The following GADD45G variants were observed in gnomAD, a reference collection of about 807,000 sequenced individuals.
GADD45G encodes growth arrest and DNA damage inducible gamma.
In GADD45G, 7 loss-of-function variants were observed where a neutral mutation model predicts 17.3. The observed-to-expected ratio is 0.41, with a 90% CI of 0.23 to 0.76. The LOEUF (loss-of-function observed/expected upper bound fraction) is 0.76. Among genes scored for constraint, GADD45G ranks in the 30% least tolerant of loss-of-function variants. The pLI, the probability that GADD45G is intolerant of heterozygous loss-of-function variation, is 0.34. For missense variants in GADD45G, 149 were observed against 219.2 expected (o/e 0.68, Z 2.02); for synonymous variants, 93 against 94.9 (o/e 0.98, Z 0.12).
rs1473294864 is a variant in GADD45G at position 89,605,836 on chromosome 9, G to A, written c.325G>A (p.Glu109Lys). ...QRLAAIVGAG[E>K]EAGAPGDLHC... ...GCTGGCGGCTATCGTGGGCGCCGGC[G>A]AGGAGGCGGGTGCGCCGGGCGACCT... Residue 109 changes from glutamate (E) to lysine (K), a missense_variant, in exon 3 of 4, where the codon GAG (glutamate) becomes AAG (lysine). By Grantham distance (56) the Glu-to-Lys change is moderately conservative. Transcript: ENST00000252506. 2 of 1,613,070 alleles carry A rather than the reference G, an allele frequency of 1.2e-6. No homozygotes were observed. Among genetic ancestry groups the A allele is most frequent in the Non-Finnish European group, 1.7e-6 (2 of 1,179,684 alleles).
At chr9:89,605,390 C>T in intron 1 of GADD45G, 42 bp from the exon 2 acceptor site, 4 of 1,436,852 alleles carry the variant, frequency 2.8e-6, no homozygotes, top group Non-Finnish European at 3.8e-6. Flanking sequence ...CTCCGCCGCG[C>T]CCTCCGGCCG....
Position 89,605,127 on chromosome 9 carries a change from T to C in GADD45G, c.6T>C (p.Thr2=), listed in dbSNP as rs1425009912. 2 of 1,613,792 alleles carry C rather than the reference T, an allele frequency of 1.2e-6. No individual in the cohort carries two copies. The highest frequency in any genetic ancestry group is 3.3e-5 in the Admixed American group (2 of 60,026). Reference sequence around the variant, plus strand: ...AGCTGCTGGTTGATCGCACTATGACTCTGGAAGAAGTCCGCGGCCAGGACA... The same window carrying C: ...AGCTGCTGGTTGATCGCACTATGACCCTGGAAGAAGTCCGCGGCCAGGACA... M[T]LEEVRGQDTV... The change falls in exon 1 of 4, where the codon ACT becomes ACC. Residue 2 remains threonine, a synonymous_variant. Coordinates refer to ENST00000252506, the MANE Select transcript of GADD45G (RefSeq NM_006705.4).
intron 2 of GADD45G, 60 bp from the exon 3 acceptor site, chr9:89,605,607 G>T (rs928108418): frequency 1.0e-5 from 16 of 1,560,884 alleles, no homozygotes; most frequent in Non-Finnish European, 1.4e-5. Flanking sequence ...GATGGGAGGG[G>T]TGGCGGCGGG....
Position 89,605,477 on chromosome 9 carries a change from G to A in GADD45G, c.99G>A (p.Ala33=). 3 of 1,561,908 alleles carry A rather than the reference G, an allele frequency of 1.9e-6. No individual in the cohort carries two copies. Among genetic ancestry groups the A allele is most frequent in the Non-Finnish European group, 1.7e-6 (2 of 1,152,670 alleles). The change falls in exon 2 of 4, where the codon GCG becomes GCA. Residue 33 remains alanine (A), a synonymous_variant. Coordinates refer to ENST00000252506, the MANE Select transcript of GADD45G (RefSeq NM_006705.4). ...CGCTGCATGAGTTGCTGCTGTCGGCGCAGCGTCAGGGCTGCCTCACTGCCG... is the reference window on the plus strand; with the variant it reads ...CGCTGCATGAGTTGCTGCTGTCGGCACAGCGTCAGGGCTGCCTCACTGCCG... ...GKALHELLLS[A]QRQGCLTAGV... is the part of the protein sequence containing the mutation.
In GADD45G at chr9:89,605,816, C is replaced by A. The variant is rs745673173; in HGVS notation, c.305C>A (p.Ala102Glu). The change falls in exon 3 of 4, where the codon GCG becomes GAG. Residue 102 changes from alanine (A) to glutamate (E), a missense_variant. Physicochemically the swap from Ala to Glu is moderately radical, Grantham distance 107 (BLOSUM62 -1). Transcript: ENST00000252506. Reference sequence around the variant, plus strand: ...CGCGTGGGCGATGTGCAGCGGCTGGCGGCTATCGTGGGCGCCGGCGAGGAG... The same window carrying A: ...CGCGTGGGCGATGTGCAGCGGCTGGAGGCTATCGTGGGCGCCGGCGAGGAG... ...IVRVGDVQRL[A>E]AIVGAGEEAG... 1 of 1,613,336 alleles carries A rather than the reference C, an allele frequency of 6.2e-7. No individual in the cohort carries two copies. Among genetic ancestry groups the A allele is most frequent in the South Asian group, 1.1e-5 (1 of 91,086 alleles).
In GADD45G at chr9:89,605,840, A is replaced by G; in HGVS notation, c.329A>G (p.Glu110Gly). The change falls in exon 3 of 4, where the codon GAG becomes GGG. Residue 110 changes from glutamate to glycine, a missense_variant. Transcript: ENST00000252506. Reference sequence around the variant, plus strand: ...GCGGCTATCGTGGGCGCCGGCGAGGAGGCGGGTGCGCCGGGCGACCTGCAC... The same window carrying G: ...GCGGCTATCGTGGGCGCCGGCGAGGGGGCGGGTGCGCCGGGCGACCTGCAC... ...RLAAIVGAGE[E>G]AGAPGDLHCI... 2 of 1,612,904 alleles carry G rather than the reference A, an allele frequency of 1.2e-6. No individual in the cohort carries two copies. Among genetic ancestry groups the G allele is most frequent in the Non-Finnish European group, 1.7e-6 (2 of 1,179,608 alleles).
At position 89,605,892 on chromosome 9, in the gene GADD45G, C is replaced by T. The variant is rs1827516502; in HGVS notation, c.369+12C>T. The T allele has an allele frequency of 1.3e-6, 2 of 1,596,036 alleles. No individual in the cohort carries two copies. Among genetic ancestry groups the T allele is most frequent in the Non-Finnish European group, 8.5e-7 (1 of 1,169,816 alleles). On this transcript the variant is annotated intron_variant, in intron 3 of 3. Transcript: ENST00000252506. ...GCATCCTCATTTCGGTGAGTACAGT[C>T]CCGTCCTGTCCCCGCCCCAGTGTCG...
Position 89,606,056 on chromosome 9 carries a change from C to T in GADD45G, c.457C>T (p.Pro153Ser). 6.2e-7 allele frequency: 1 copy of T among 1,611,140 alleles called. No individual in the cohort carries two copies. Residue 153 changes from proline (P) to serine (S), a missense_variant, in exon 4 of 4, where the codon CCC becomes TCC. Around this residue, in one of 3 missense-constraint regions of GADD45G, gnomAD observed 73 missense variants for 84.3 expected, o/e 0.87. Coordinates refer to ENST00000252506, the MANE Select transcript of GADD45G (RefSeq NM_006705.4). ...EESRSVNDWV[P>S]SITLPE ...GAGCCGCAGCGTTAACGACTGGGTG[C>T]CCAGCATCACCCTCCCCGAGTGACA...
At chr9:89,605,592 T>G (rs1827510529) in intron 2 of GADD45G, 59 bp downstream of exon 2, 1 of 1,558,260 alleles carries the variant, frequency 6.4e-7, no homozygotes, top group African/African-American at 1.4e-5. Context: ...GCGAGGAGAC[T>G]GGCGGATGGG....
At position 89,605,885 on chromosome 9, in the gene GADD45G, G is replaced by A. The variant is rs1250201680; in HGVS notation, c.369+5G>A. On this transcript the variant is annotated splice_donor_5th_base_variant and intron_variant, in intron 3 of 3. Coordinates refer to ENST00000252506, the MANE Select transcript of GADD45G (RefSeq NM_006705.4). ...CTGCACTGCATCCTCATTTCGGTGA[G>A]TACAGTCCCGTCCTGTCCCCGCCCC... is the stretch of plus-strand genomic sequence containing the variant. 1.9e-6 allele frequency: 3 copies of A among 1,603,912 alleles called. No homozygotes were observed. In the South Asian group the frequency reaches 3.3e-5, roughly 18 times the overall value.
chr9:89,605,625 G>A (rs765749796), intron 2 of GADD45G, 42 bp from the exon 3 acceptor site: 1 of 1,588,992 alleles, frequency 6.3e-7, no homozygotes, highest in African/African-American at 1.3e-5. Context: ...GGGAGAACTC[G>A]GCTAGCCGGT....
chr9:89,606,145 C>A lies in GADD45G; in HGVS notation c.*66C>A. The A allele has an allele frequency of 8.0e-7, 1 of 1,254,520 alleles. No homozygotes were observed. The highest frequency in any genetic ancestry group is 1.1e-6 in the Non-Finnish European group (1 of 876,272). 77.7% of individuals were successfully genotyped at this position (1,254,520 alleles called of 1,614,324 possible). The stretch of plus-strand genomic sequence containing the variant: ...CCCGGGGCGCCTAGAGCGCGGCTGG[C>A]TCTGTGGAGGGGCCCTCCGAGGGTG... On this transcript the variant is annotated 3_prime_UTR_variant, in exon 4 of 4. Coordinates refer to ENST00000252506, the MANE Select transcript of GADD45G (RefSeq NM_006705.4).
chr9:89,605,364 T>C (rs937098657), intron 1 of GADD45G, 68 bp from the exon 2 acceptor site: 21 of 1,221,244 alleles, frequency 1.7e-5, no homozygotes, highest in Non-Finnish European at 2.0e-5. Context: ...TGTGTGCCGG[T>C]GGCCGGGGCT....
Position 89,605,442 on chromosome 9 carries a change from G to A in GADD45G, c.64G>A (p.Ala22Thr). 1 of 1,554,362 alleles carries A rather than the reference G, an allele frequency of 6.4e-7. No individual in the cohort carries two copies. Among genetic ancestry groups the A allele is most frequent in the Non-Finnish European group, 8.7e-7 (1 of 1,149,146 alleles). ...VPESTARMQG[A>T]GKALHELLLS... The stretch of plus-strand genomic sequence containing the variant: ...CTGGCTCCTCCGCAGGATGCAGGGT[G>A]CCGGGAAAGCGCTGCATGAGTTGCT... Residue 22 changes from alanine to threonine, a missense_variant, in exon 2 of 4, where the codon GCC becomes ACC. This residue lies in a region of GADD45G where 37 missense variants were observed against 34.9 expected (regional missense o/e 1.06). Transcript: ENST00000252506.
At chr9:89,605,394 C>G (rs766068213) in intron 1 of GADD45G, 38 bp from the exon 2 acceptor site, 5 of 1,475,482 alleles carry the variant, frequency 3.4e-6, no homozygotes, top group African/African-American at 2.8e-5. Flanking sequence ...GCCGCGCCCT[C>G]CGGCCGGCTC....
rs985738395 is a variant in GADD45G, at chr9:89,606,329, T to C, written c.*250T>C. ...GCTGCTCGCCCAGGAAGGCCTAGGCTAGGACGTTGGCCTCAGGGCCAGGAA... is the reference window on the plus strand; with the variant it reads ...GCTGCTCGCCCAGGAAGGCCTAGGCCAGGACGTTGGCCTCAGGGCCAGGAA... On this transcript the variant is annotated 3_prime_UTR_variant, in exon 4 of 4. Coordinates refer to ENST00000252506, the MANE Select transcript of GADD45G (RefSeq NM_006705.4). 2 of 547,022 alleles carry C rather than the reference T, an allele frequency of 3.7e-6. No homozygotes were observed. Among genetic ancestry groups the C allele is most frequent in the Non-Finnish European group, 6.6e-6 (2 of 304,668 alleles). 33.9% of individuals were successfully genotyped at this position (547,022 alleles called of 1,614,324 possible).
Position 89,605,501 on chromosome 9 carries a change from C to A in GADD45G, c.123C>A (p.Ala41=). 1 of 1,562,084 alleles carries A rather than the reference C, an allele frequency of 6.4e-7. No homozygotes were observed. The highest frequency in any genetic ancestry group is 2.4e-5 in the East Asian group (1 of 41,674). ...LSAQRQGCLT[A]GVYESAKVLN... ...CGCAGCGTCAGGGCTGCCTCACTGC[C>A]GGCGTCTACGAGTCAGCCAAAGTCT... is the stretch of plus-strand genomic sequence containing the variant. Residue 41 remains alanine, a synonymous_variant, in exon 2 of 4, where the codon GCC becomes GCA. Transcript: ENST00000252506.
At position 89,606,438 on chromosome 9, in the gene GADD45G, A is replaced by C. The variant is rs1326787654; in HGVS notation, c.*359A>C. On this transcript the variant is annotated 3_prime_UTR_variant, in exon 4 of 4. Coordinates refer to ENST00000252506, the MANE Select transcript of GADD45G (RefSeq NM_006705.4). ...GCCCTGGACTTGGTACAGTTGCAGG[A>C]GCGTGAAGGACTTAGCCGACTGCGC... The C allele has an allele frequency of 3.0e-6, 1 of 329,510 alleles. No homozygotes were observed. Among genetic ancestry groups the C allele is most frequent in the Non-Finnish European group, 5.6e-6 (1 of 177,342 alleles). 20.4% of individuals were successfully genotyped at this position (329,510 alleles called of 1,614,324 possible). A position where few individuals can be genotyped will look rare whatever the true frequency, so the allele number is the denominator to read the frequency against.
In GADD45G at chr9:89,605,949, A is replaced by C. The variant is rs1427701371; in HGVS notation, c.370-20A>C. The C allele has an allele frequency of 6.2e-7, 1 of 1,600,822 alleles. No individual in the cohort carries two copies. Among genetic ancestry groups the C allele is most frequent in the Non-Finnish European group, 8.5e-7 (1 of 1,172,774 alleles). ...CCTCGGCCCGCGGCCAGCCAGGCTG[A>C]CCCTGCTCTCTCTCCGCAGAACCCC... On this transcript the variant is annotated intron_variant, in intron 3 of 3. Transcript: ENST00000252506.
Sources: gnomAD v4.1 joint callset for allele counts on GRCh38, gnomAD v4.1.1 for gene constraint, gnomAD v4.1.1 regional missense constraint, MANE v1.5 for transcripts, NCBI Gene and HGNC (gene_info 2026-07-23, HGNC 2026-07-21) for gene names.